The following GTF2E1 variants were observed in gnomAD, a reference collection of about 807,000 sequenced individuals.
The protein encoded by GTF2E1 is general transcription factor IIE subunit 1, also known as TFIIE alpha subunit.
A neutral mutation model predicts 34.9 loss-of-function variants in GTF2E1; 14 were observed. That is an observed-to-expected ratio of 0.40 (90% CI 0.27 to 0.63). The LOEUF (loss-of-function observed/expected upper bound fraction) is 0.63. Ranked by LOEUF, GTF2E1 falls within the 20% of genes least tolerant of loss-of-function variation. GTF2E1 has a pLI of 0.39. For missense variants in GTF2E1, 469 were observed against 557.7 expected (o/e 0.84, Z 1.60); for synonymous variants, 188 against 192.9 (o/e 0.97, Z 0.21).
chr3:120,746,001 A>G (rs976996758), intron 1 of GTF2E1, among the ~76,000 whole-genome samples: 3 of 152,164 alleles, frequency 2.0e-5, no homozygotes, highest in Non-Finnish European at 4.4e-5. Flanking sequence ...TTTATAACCT[A>G]AAGTACGTAT....
rs1709345257 is a variant in GTF2E1 at position 120,770,874 on chromosome 3, T to C, written c.595T>C (p.Leu199=). The C allele has an allele frequency of 4.3e-6, 7 of 1,613,562 alleles. No individual in the cohort carries two copies. The highest frequency in any genetic ancestry group is 1.7e-5 in the Admixed American group (1 of 59,980). The change falls in exon 3 of 5, where the codon TTG becomes CTG. Residue 199 remains leucine, a synonymous_variant. Coordinates refer to ENST00000283875, the MANE Select transcript of GTF2E1 (RefSeq NM_005513.3). ...ALLRETEDVN[L]AYEILEPEPT... The stretch of plus-strand genomic sequence containing the variant: ...GCTTCGGGAGACAGAGGATGTGAAC[T>C]TGGCCTATGAAATACTTGAGCCAGA...
At chr3:120,770,570 T>C (rs1709343007) in intron 2 of GTF2E1, among the ~76,000 whole-genome samples, 158 bp from the exon 3 acceptor site, 1 of 152,192 alleles carries the variant, frequency 6.6e-6, no homozygotes, top group African/African-American at 2.4e-5. Context: ...ATGCTAATTG[T>C]AGAATCTAAA....
chr3:120,744,702 T>G (rs1234472952), intron 1 of GTF2E1, among the ~76,000 whole-genome samples: 2 of 152,204 alleles, frequency 1.3e-5, no homozygotes, highest in Non-Finnish European at 2.9e-5. Context: ...TTTTTTTGCC[T>G]TCTTAGTTTA....
intron 1 of GTF2E1, among the ~76,000 whole-genome samples, chr3:120,744,308 C>T (rs912403409): frequency 6.6e-6 from 1 of 152,100 alleles, no homozygotes; most frequent in Non-Finnish European, 1.5e-5. Context: ...GGAGATTCAG[C>T]GTGAGTGGGA....
At chr3:120,761,053 CT>C (rs1559831826) in intron 2 of GTF2E1, among the ~76,000 whole-genome samples, 1 of 152,024 alleles carries the variant, frequency 6.6e-6, no homozygotes. Flanking sequence ...TGGTCCTGGA[CT>C]TTTTTTGGTT....
chr3:120,778,823 G>C (rs1709422528), intron 4 of GTF2E1, among the ~76,000 whole-genome samples: 2 of 152,132 alleles, frequency 1.3e-5, no homozygotes, highest in South Asian at 2.1e-4. Flanking sequence ...CCAATAGCTT[G>C]GATCATATCT....
chr3:120,753,026 G>A (rs190915386), intron 2 of GTF2E1, among the ~76,000 whole-genome samples: 21 of 152,136 alleles, frequency 1.4e-4, no homozygotes, highest in Admixed American at 1.2e-3. Flanking sequence ...TTGTAACGTG[G>A]CTTTTCATTT....
At chr3:120,757,465 TCTG>T (rs199552672) in intron 2 of GTF2E1, among the ~76,000 whole-genome samples, 8,579 of 152,306 alleles carry the variant, frequency 0.056, 337 homozygotes, top group Middle Eastern at 0.1. Context: ...TGTTAAGTGT[TCTG>T]TGGTGAATTT....
chr3:120,759,630 G>A (rs1414567509), intron 2 of GTF2E1, among the ~76,000 whole-genome samples: 1 of 152,146 alleles, frequency 6.6e-6, no homozygotes, highest in Admixed American at 6.6e-5. Context: ...GTGTAAGGAA[G>A]GGATTCAATT....
chr3:120,751,072 A>G (rs1033367895), intron 2 of GTF2E1, 72 bp downstream of exon 2: 24 of 908,752 alleles, frequency 2.6e-5, no homozygotes, highest in African/African-American at 8.4e-5. Flanking sequence ...TGATTCATCT[A>G]ATTTTTAAAC....
At chr3:120,754,194 AG>A (rs1709189479) in intron 2 of GTF2E1, among the ~76,000 whole-genome samples, 1 of 152,136 alleles carries the variant, frequency 6.6e-6, no homozygotes, top group South Asian at 2.1e-4. Flanking sequence ...TGAAGGGCAG[AG>A]GGGGATCTTA....
At position 120,770,935 on chromosome 3, in the gene GTF2E1, T is replaced by C. The variant is rs780657073; in HGVS notation, c.650+6T>C. ...ATCCCAGCCCTGAAACAGAGGTGAG[T>C]GTAGGCCCTGTGCTCTTACTAAGAA... On this transcript the variant is annotated splice_donor_region_variant and intron_variant, in intron 3 of 4. Transcript: ENST00000283875. 4.4e-6 allele frequency: 7 copies of C among 1,609,124 alleles called. No individual in the cohort carries two copies. In the South Asian group the frequency reaches 6.6e-5, roughly 15 times the overall value.
intron 1 of GTF2E1, among the ~76,000 whole-genome samples, chr3:120,748,432 G>T (rs781017573): frequency 6.6e-6 from 1 of 152,196 alleles, no homozygotes; most frequent in African/African-American, 2.4e-5. Context: ...TTTGTAAAAG[G>T]TGTAAGGAAG....
rs374038933 is a variant in GTF2E1, at chr3:120,781,542, A to T, written c.*72A>T. The T allele has an allele frequency of 3.4e-4, 410 of 1,192,824 alleles. 5 individuals carry two copies. The South Asian group carries it at 4.8e-3, about 14-fold the overall frequency. 73.9% of individuals were successfully genotyped at this position (1,192,824 alleles called of 1,614,324 possible). On this transcript the variant is annotated 3_prime_UTR_variant, in exon 5 of 5. Transcript: ENST00000283875. Reference sequence around the variant, plus strand: ...GAATGTCTCATCTTTGAAGAAAAGTATTTAAGTGGCTTTCTGCCCCTCTTG... The same window carrying T: ...GAATGTCTCATCTTTGAAGAAAAGTTTTTAAGTGGCTTTCTGCCCCTCTTG...
At chr3:120,777,702 C>A (rs1709413254) in intron 4 of GTF2E1, among the ~76,000 whole-genome samples, 1 of 152,036 alleles carries the variant, frequency 6.6e-6, no homozygotes, top group Non-Finnish European at 1.5e-5. Context: ...CCATACTTTA[C>A]CCTCCTTCTT....
chr3:120,744,818 A>T (rs1332663213), intron 1 of GTF2E1, among the ~76,000 whole-genome samples: 7 of 152,166 alleles, frequency 4.6e-5, no homozygotes, highest in Non-Finnish European at 1.0e-4. Flanking sequence ...TTTATTATGA[A>T]TGCCAGTACT....
intron 2 of GTF2E1, 27 bp from the exon 3 acceptor site, chr3:120,770,701 G>T: frequency 1.3e-6 from 2 of 1,552,436 alleles, no homozygotes; most frequent in South Asian, 2.2e-5. Context: ...TCTTCTCTCT[G>T]ACCTGAGATA....
chr3:120,746,065 T>TC, intron 1 of GTF2E1, among the ~76,000 whole-genome samples: 1 of 152,188 alleles, frequency 6.6e-6, no homozygotes, highest in Middle Eastern at 3.4e-3. Context: ...CCTTATATTT[T>TC]CCCCCCAAAA....
Position 120,745,645 on chromosome 3 carries a change from C to T in GTF2E1, c.-31+2851C>T, listed in dbSNP as rs558582648. Among the ~76,000 whole-genome samples the T allele has an allele frequency of 6.6e-4, 100 of 152,126 alleles. 1 individual carries two copies. In the South Asian group the frequency reaches 0.02, roughly 30 times the overall value. ...AGTCTGGGGCATGGCATGTATGGGGCAGGGAAGGAGAATACAATAGTAGGA... is the reference window on the plus strand; with the variant it reads ...AGTCTGGGGCATGGCATGTATGGGGTAGGGAAGGAGAATACAATAGTAGGA... On this transcript the variant is annotated intron_variant, in intron 1 of 4. Transcript: ENST00000283875.
Sources: allele counts gnomAD v4.1 joint callset (sites outside exome capture counted in the v4.1 genomes callset), GRCh38; gene constraint gnomAD v4.1.1; transcripts MANE v1.5; gene names NCBI Gene and HGNC (gene_info 2026-07-23, HGNC 2026-07-21).